The following AMBRA1 variants were observed in gnomAD, a reference collection of about 807,000 sequenced individuals.
AMBRA1 encodes the protein activating molecule in BECN1-regulated autophagy protein 1.
A neutral mutation model predicts 125.4 loss-of-function variants in AMBRA1; 47 were observed. The observed-to-expected ratio is 0.37, with a 90% confidence interval of 0.30 to 0.48. The LOEUF (loss-of-function observed/expected upper bound fraction) is 0.48, where lower values mean the gene tolerates loss of function less well. Among genes scored for constraint, AMBRA1 ranks in the 20% least tolerant of loss-of-function variants. The pLI, the probability that AMBRA1 is intolerant of heterozygous loss-of-function variation, is 0.99. For synonymous variants in AMBRA1, 626 were observed against 655.5 expected (o/e 0.95, Z 0.69); for missense variants, 1,331 against 1,693.4 (o/e 0.79, Z 3.76).
chr11:46,464,715 C>T (rs1949244479), intron 11 of AMBRA1, among the ~76,000 whole-genome samples: 1 of 152,036 alleles, frequency 6.6e-6, no homozygotes, highest in African/African-American at 2.4e-5. Context: ...GCAAACCAAC[C>T]AATCCAGAGT....
intron 1 of AMBRA1, among the ~76,000 whole-genome samples, chr11:46,586,050 C>T (rs1261184490): frequency 6.6e-6 from 1 of 151,952 alleles, no homozygotes; most frequent in Admixed American, 6.6e-5. Flanking sequence ...GTGATCCACC[C>T]GCCTCAGCCT....
At chr11:46,518,023 T>C in intron 7 of AMBRA1, 1 of 711,298 alleles carries the variant, frequency 1.4e-6, no homozygotes, top group Non-Finnish European at 1.7e-6. Flanking sequence ...GGGAATCCTC[T>C]ATACGTTTTC....
chr11:46,535,602 C>T (rs1391953126), intron 7 of AMBRA1, among the ~76,000 whole-genome samples: 1 of 152,022 alleles, frequency 6.6e-6, no homozygotes, highest in African/African-American at 2.4e-5. Flanking sequence ...CCAAGTATAC[C>T]TTCATAGAGA....
chr11:46,510,155 A>T (rs1025367466), intron 8 of AMBRA1, among the ~76,000 whole-genome samples: 1 of 152,230 alleles, frequency 6.6e-6, no homozygotes, highest in African/African-American at 2.4e-5. Context: ...GTGAACACCA[A>T]CGAGTCAATA....
intron 9 of AMBRA1, among the ~76,000 whole-genome samples, chr11:46,503,319 AG>A (rs1950914707): frequency 6.6e-6 from 1 of 152,188 alleles, no homozygotes; most frequent in Non-Finnish European, 1.5e-5. Flanking sequence ...GCCCAAGAAG[AG>A]GAAGAGAGAT....
Position 46,585,886 on chromosome 11 carries a change from A to G in AMBRA1, c.-121+7942T>C, listed in dbSNP as rs1308918609. Among the ~76,000 whole-genome samples the G allele has an allele frequency of 2.7e-5, 4 of 147,304 alleles. No homozygotes were observed. In the Admixed American group the frequency reaches 2.7e-4, roughly 10 times the overall value. On this transcript the variant is annotated intron_variant, in intron 1 of 17. Transcript: ENST00000683756. Reference sequence around the variant, plus strand: ...GATGGCATGATCTCAGCTCACCACAACCTCCGCCTCCGGGGTTCAAGCTAT... The same window carrying G: ...GATGGCATGATCTCAGCTCACCACAGCCTCCGCCTCCGGGGTTCAAGCTAT...
chr11:46,588,672 G>C (rs555469464), intron 1 of AMBRA1, among the ~76,000 whole-genome samples: 1 of 151,788 alleles, frequency 6.6e-6, no homozygotes, highest in South Asian at 2.1e-4. Context: ...CTACCAGGGA[G>C]GCTGAGGCAG....
chr11:46,573,669 T>C (rs1307284473), intron 1 of AMBRA1, among the ~76,000 whole-genome samples: 7 of 151,108 alleles, frequency 4.6e-5, no homozygotes. Flanking sequence ...TTTTCTTTTT[T>C]TTTTTTTTTA....
At chr11:46,408,816 G>C (rs943529641) in intron 16 of AMBRA1, 110 bp from the exon 17 acceptor site, 49 of 1,065,750 alleles carry the variant, frequency 4.6e-5, no homozygotes, top group Admixed American at 2.8e-4. Context: ...AGGCCCTGCA[G>C]GCTAAGAGAA....
At chr11:46,418,250 ATATTT>A (rs1400614035) in intron 14 of AMBRA1, among the ~76,000 whole-genome samples, 198 bp from the exon 15 acceptor site, 5 of 143,070 alleles carry the variant, frequency 3.5e-5, no homozygotes, top group African/African-American at 7.7e-5. Context: ...TATATAATAT[ATATTT>A]TATTATTTAT....
At chr11:46,537,476 C>A (rs1275427239) in intron 7 of AMBRA1, among the ~76,000 whole-genome samples, 1 of 152,142 alleles carries the variant, frequency 6.6e-6, no homozygotes, top group Admixed American at 6.5e-5. Flanking sequence ...AAACCATTTT[C>A]TTTTTCCTAG....
At chr11:46,502,163 T>G (rs757927749) in intron 9 of AMBRA1, among the ~76,000 whole-genome samples, 1 of 152,142 alleles carries the variant, frequency 6.6e-6, no homozygotes, top group Non-Finnish European at 1.5e-5. Flanking sequence ...CACTGCAATC[T>G]CCGCCTCCTA....
At chr11:46,585,858 T>G (rs1394140760) in intron 1 of AMBRA1, among the ~76,000 whole-genome samples, 1 of 148,162 alleles carries the variant, frequency 6.7e-6, no homozygotes, top group Non-Finnish European at 1.5e-5. Context: ...CAGGCTGGAG[T>G]GTGATGGCAT....
At position 46,480,871 on chromosome 11, in the gene AMBRA1, C is replaced by T. The variant is rs980146623; in HGVS notation, c.2521+12737G>A. On this transcript the variant is annotated intron_variant, in intron 11 of 17. Coordinates refer to ENST00000683756, the MANE Select transcript of AMBRA1 (RefSeq NM_001387011.1). ...CTGCCATCCAACTATCTCTCCTTTACGTATAGAGACCAATGAGGGGTTTGG... is the reference window on the plus strand; with the variant it reads ...CTGCCATCCAACTATCTCTCCTTTATGTATAGAGACCAATGAGGGGTTTGG... Among the ~76,000 whole-genome samples, 3 of 152,186 alleles carry T rather than the reference C, an allele frequency of 2.0e-5. No individual in the cohort carries two copies. The South Asian group carries it at 6.2e-4, about 31-fold the overall frequency.
chr11:46,451,266 GC>G (rs1476897557), intron 11 of AMBRA1, among the ~76,000 whole-genome samples: 1 of 152,196 alleles, frequency 6.6e-6, no homozygotes, highest in Non-Finnish European at 1.5e-5. Context: ...AAACTAAGCT[GC>G]CAAGTCTCAT....
intron 11 of AMBRA1, among the ~76,000 whole-genome samples, chr11:46,489,053 C>T (rs1419969863): frequency 1.3e-5 from 2 of 152,274 alleles, no homozygotes; most frequent in South Asian, 4.1e-4. Context: ...CAGGCGCCCG[C>T]AACCGCCCGG....
chr11:46,435,667 CT>C, intron 12 of AMBRA1, among the ~76,000 whole-genome samples: 1 of 152,352 alleles, frequency 6.6e-6, no homozygotes, highest in South Asian at 2.1e-4. Context: ...GGCCAGGGCT[CT>C]TTTCATTTCC....
chr11:46,494,260 C>T (rs750286946), intron 9 of AMBRA1, 56 bp from the exon 10 acceptor site: 16 of 1,453,706 alleles, frequency 1.1e-5, no homozygotes, highest in Non-Finnish European at 1.5e-5. Flanking sequence ...AATCATCCAC[C>T]AGCCCAAAAA....
chr11:46,531,944 CCT>C (rs1565259979), intron 7 of AMBRA1, among the ~76,000 whole-genome samples: 1 of 151,844 alleles, frequency 6.6e-6, no homozygotes, highest in East Asian at 1.9e-4. Flanking sequence ...ATGGTGAAAC[CCT>C]GTCTCTACTG....
Sources: allele counts gnomAD v4.1 joint callset (sites outside exome capture counted in the v4.1 genomes callset), GRCh38; gene constraint gnomAD v4.1.1; transcripts MANE v1.5; gene names NCBI Gene and HGNC (gene_info 2026-07-23, HGNC 2026-07-21).